Variants in KAZN observed in about 807,000 individuals in gnomAD.
The protein encoded by KAZN is kazrin, periplakin interacting protein.
In KAZN, 40 loss-of-function variants were observed where a neutral mutation model predicts 87.4. The observed-to-expected ratio is 0.46, with a 90% CI of 0.36 to 0.60. KAZN has a LOEUF of 0.60. Ranked by LOEUF, KAZN falls within the 20% of genes least tolerant of loss-of-function variation. The probability of loss-of-function intolerance (pLI) is 0.00; values close to 1 mark genes in which losing one functional copy is unlikely to be tolerated. For synonymous variants in KAZN, 466 were observed against 458.3 expected (o/e 1.02, Z -0.22); for missense variants, 898 against 1,073.9 (o/e 0.84, Z 2.29).
intron 2 of KAZN, among the ~76,000 whole-genome samples, chr1:14,379,267 G>A (rs1217312585): frequency 6.6e-6 from 1 of 151,914 alleles, no homozygotes; most frequent in East Asian, 1.9e-4. Context: ...GTCCTTGGGT[G>A]AGACTCTGAG....
chr1:15,073,197 T>C (rs1160259225), intron 8 of KAZN, among the ~76,000 whole-genome samples: 1 of 152,050 alleles, frequency 6.6e-6, no homozygotes, highest in Admixed American at 6.5e-5. Context: ...GAGAGGAGGT[T>C]TGAGAAGCAC....
At chr1:14,956,907 A>C (rs1348526680) in intron 1 of KAZN, among the ~76,000 whole-genome samples, 2 of 151,816 alleles carry the variant, frequency 1.3e-5, no homozygotes, top group Non-Finnish European at 2.9e-5. Context: ...CCTGGCACCC[A>C]TTTCCTGGTC....
At chr1:14,618,006 G>A (rs879314560) in intron 1 of KAZN, among the ~76,000 whole-genome samples, 3 of 152,124 alleles carry the variant, frequency 2.0e-5, no homozygotes, top group Non-Finnish European at 4.4e-5. Flanking sequence ...AGGGAGCCCC[G>A]CTGACTTGCT....
chr1:15,110,303 G>GTGTGTATT (rs1321140396), intron 13 of KAZN, among the ~76,000 whole-genome samples: 4 of 151,472 alleles, frequency 2.6e-5, no homozygotes, highest in African/African-American at 9.7e-5. Flanking sequence ...GTATATGTAT[G>GTGTGTATT]TGTGTATTTG....
chr1:14,317,592 GT>G (rs952869894), intron 2 of KAZN, among the ~76,000 whole-genome samples: 2 of 151,674 alleles, frequency 1.3e-5, no homozygotes, highest in Admixed American at 1.3e-4. Context: ...TGCTCCATCT[GT>G]TTTTTTCCCT....
chr1:14,850,335 C>T (rs1453877175), intron 1 of KAZN, among the ~76,000 whole-genome samples: 1 of 152,182 alleles, frequency 6.6e-6, no homozygotes, highest in Non-Finnish European at 1.5e-5. Flanking sequence ...CCTTGGCATT[C>T]TACTAACCCA....
At chr1:14,220,027 T>C (rs1647058136) in intron 2 of KAZN, among the ~76,000 whole-genome samples, 1 of 152,160 alleles carries the variant, frequency 6.6e-6, no homozygotes, top group Non-Finnish European at 1.5e-5. Flanking sequence ...TTTTCTTCCT[T>C]TTCTTCTGAA....
chr1:14,771,206 G>A (rs181142893), intron 1 of KAZN, among the ~76,000 whole-genome samples: 2 of 152,298 alleles, frequency 1.3e-5, no homozygotes, highest in Admixed American at 1.3e-4. Context: ...TAATAAAGGG[G>A]TAGAAGTACT....
chr1:14,479,662 C>T (rs983940990), intron 2 of KAZN, among the ~76,000 whole-genome samples: 4 of 152,164 alleles, frequency 2.6e-5, no homozygotes, highest in African/African-American at 7.2e-5. Context: ...TTTCTATCAT[C>T]GCTCCTATTG....
At chr1:14,519,916 GCACCC>G (rs1671496524) in intron 2 of KAZN, among the ~76,000 whole-genome samples, 1 of 152,070 alleles carries the variant, frequency 6.6e-6, no homozygotes, top group Admixed American at 6.5e-5. Flanking sequence ...GTGTCCTCAG[GCACCC>G]AGAGGGCCCC....
chr1:14,081,872 T>C (rs12732799), intron 1 of KAZN, among the ~76,000 whole-genome samples: 15,218 of 152,186 alleles, frequency 0.1, 939 homozygotes, highest in East Asian at 0.13. Flanking sequence ...CTGGGCTTGA[T>C]TGATCCTCCT....
At position 15,099,746 on chromosome 1, in the gene KAZN, G is replaced by C. The variant is rs1037361389; in HGVS notation, c.1548-1797G>C. The stretch of plus-strand genomic sequence containing the variant: ...GCACGGTCACACTGACATTTTAAAA[G>C]GACCCCCTGGTGGTCCTGGGGGATG... On this transcript the variant is annotated intron_variant, in intron 10 of 14. Transcript: ENST00000376030. The surrounding 1 kb of genome is among the most constrained non-coding windows in gnomAD (Gnocchi z 5.4). 2.0e-5 allele frequency among the ~76,000 whole-genome samples: 3 copies of C among 152,166 alleles called. No individual in the cohort carries two copies. Among genetic ancestry groups the C allele is most frequent in the African/African-American group, 7.2e-5 (3 of 41,440 alleles).
chr1:14,966,981 T>C (rs1295433526), intron 2 of KAZN, among the ~76,000 whole-genome samples: 1 of 152,150 alleles, frequency 6.6e-6, no homozygotes, highest in Non-Finnish European at 1.5e-5. Context: ...CGCATATGTA[T>C]TACTGGCGGA....
intron 2 of KAZN, among the ~76,000 whole-genome samples, chr1:14,572,482 T>C (rs1322775244): frequency 6.6e-6 from 1 of 152,202 alleles, no homozygotes; most frequent in Non-Finnish European, 1.5e-5. Context: ...GGAGACCCTC[T>C]ACAATGCCTC....
chr1:14,210,478 AG>A (rs1424303069), intron 2 of KAZN, among the ~76,000 whole-genome samples: 1 of 152,180 alleles, frequency 6.6e-6, no homozygotes, highest in Non-Finnish European at 1.5e-5. Flanking sequence ...TGCCTGCTAC[AG>A]TGGAGGTGAA....
intron 2 of KAZN, among the ~76,000 whole-genome samples, chr1:15,006,940 C>T (rs1299861347): frequency 6.6e-6 from 1 of 151,676 alleles, no homozygotes; most frequent in Non-Finnish European, 1.5e-5. Flanking sequence ...ACCTGTAGTC[C>T]CAGCTACTCG....
intron 1 of KAZN, among the ~76,000 whole-genome samples, chr1:14,731,514 C>T (rs556477348): frequency 5.3e-5 from 8 of 152,148 alleles, no homozygotes; most frequent in Non-Finnish European, 1.0e-4. Flanking sequence ...TTTCCCTTCC[C>T]ACAGAAGGTT....
chr1:14,302,317 A>G (rs1414379419), intron 2 of KAZN, among the ~76,000 whole-genome samples: 5 of 152,216 alleles, frequency 3.3e-5, no homozygotes, highest in Non-Finnish European at 5.9e-5. Context: ...GCAGAACATA[A>G]TGTGGAAGCA....
chr1:15,028,666 G>A (rs753428194), intron 2 of KAZN, among the ~76,000 whole-genome samples: 41 of 152,310 alleles, frequency 2.7e-4, no homozygotes, highest in Middle Eastern at 3.4e-3. Context: ...GACAGAACTT[G>A]TGGCACCTTT....
Sources: gnomAD v4.1 joint callset for allele counts (sites outside exome capture counted in the v4.1 genomes callset) on GRCh38, gnomAD v4.1.1 for gene constraint, Gnocchi (gnomAD v3.1) non-coding constraint, MANE v1.5 for transcripts, NCBI Gene and HGNC (gene_info 2026-07-23, HGNC 2026-07-21) for gene names.